The following WDR70 variants were observed in gnomAD, a reference collection of about 807,000 sequenced individuals.
The protein encoded by WDR70 is WD repeat-containing protein 70.
A neutral mutation model predicts 88.6 loss-of-function variants in WDR70; 53 were observed. The ratio of observed to expected loss-of-function variants is 0.60; its 90% CI spans 0.48 to 0.75. WDR70 has a LOEUF of 0.75. Ranked by LOEUF, WDR70 falls within the 30% of genes least tolerant of loss-of-function variation. The probability of loss-of-function intolerance (pLI) is 0.00; values close to 1 mark genes in which losing one functional copy is unlikely to be tolerated. For missense variants in WDR70, 610 were observed against 823.2 expected, an observed-to-expected ratio of 0.74 and a Z score of 3.17; for synonymous variants, 280 against 270.0, an observed-to-expected ratio of 1.04 and a Z score of -0.36.
At chr5:37,407,959 A>G (rs866307654) in intron 5 of WDR70, among the ~76,000 whole-genome samples, 22 of 152,184 alleles carry the variant, frequency 1.4e-4, no homozygotes, top group Admixed American at 7.2e-4. Context: ...GCTGCCAGTG[A>G]CAGAAAATGC....
At chr5:37,570,015 A>G (rs1742854868) in intron 9 of WDR70, among the ~76,000 whole-genome samples, 1 of 152,160 alleles carries the variant, frequency 6.6e-6, no homozygotes, top group Non-Finnish European at 1.5e-5. Context: ...CAGGTTATGC[A>G]AGATGCTATA....
chr5:37,633,343 T>C (rs1280916505), intron 10 of WDR70, among the ~76,000 whole-genome samples: 1 of 152,136 alleles, frequency 6.6e-6, no homozygotes, highest in Non-Finnish European at 1.5e-5. Context: ...CCCATGTACA[T>C]TGAAGGAAAT....
intron 5 of WDR70, among the ~76,000 whole-genome samples, chr5:37,403,747 G>T (rs1344073877): frequency 2.0e-5 from 3 of 151,818 alleles, no homozygotes; most frequent in South Asian, 2.1e-4. Context: ...TAAAGATGGG[G>T]TCTTGTTTCA....
chr5:37,610,066 A>G (rs1424594107), intron 10 of WDR70, among the ~76,000 whole-genome samples: 1 of 152,170 alleles, frequency 6.6e-6, no homozygotes, highest in Non-Finnish European at 1.5e-5. Flanking sequence ...CAAGGTGGGC[A>G]GATTACAAGG....
At chr5:37,644,988 C>G (rs1745195427) in intron 10 of WDR70, among the ~76,000 whole-genome samples, 4 of 151,674 alleles carry the variant, frequency 2.6e-5, no homozygotes, top group Admixed American at 2.6e-4. Context: ...TTTATTTCTG[C>G]TCTGATCTTT....
chr5:37,668,089 C>CA (rs1182492033), intron 10 of WDR70, among the ~76,000 whole-genome samples: 2 of 151,946 alleles, frequency 1.3e-5, no homozygotes, highest in Non-Finnish European at 2.9e-5. Context: ...CAAAACAAAA[C>CA]AAAAAACAAT....
chr5:37,631,549 T>C (rs924986128), intron 10 of WDR70, among the ~76,000 whole-genome samples: 4 of 152,208 alleles, frequency 2.6e-5, no homozygotes, highest in African/African-American at 4.8e-5. Context: ...TATAGTTATA[T>C]GAGGTTAGTG....
intron 10 of WDR70, among the ~76,000 whole-genome samples, chr5:37,686,670 T>G (rs1393774474): frequency 6.6e-6 from 1 of 152,074 alleles, no homozygotes; most frequent in Non-Finnish European, 1.5e-5. Context: ...AATTGACTGA[T>G]ATTCCTTATA....
intron 10 of WDR70, among the ~76,000 whole-genome samples, chr5:37,612,322 A>G (rs571643153): frequency 2.0e-5 from 3 of 152,146 alleles, no homozygotes; most frequent in South Asian, 4.1e-4. Flanking sequence ...TGTCTACTGC[A>G]TAGTCCTACA....
intron 7 of WDR70, among the ~76,000 whole-genome samples, chr5:37,479,300 A>T (rs1329058430): frequency 1.3e-5 from 2 of 151,346 alleles, no homozygotes; most frequent in Non-Finnish European, 2.9e-5. Context: ...GTTTTAATAG[A>T]TTGCAGTGGA....
intron 17 of WDR70, among the ~76,000 whole-genome samples, chr5:37,746,145 T>G (rs1266950798): frequency 1.3e-5 from 2 of 152,138 alleles, no homozygotes; most frequent in Admixed American, 1.3e-4. Flanking sequence ...CACAATTTCA[T>G]GGAAATTGAA....
intron 8 of WDR70, among the ~76,000 whole-genome samples, chr5:37,480,669 TG>T (rs1173401220): frequency 1.3e-5 from 2 of 152,192 alleles, no homozygotes; most frequent in Non-Finnish European, 2.9e-5. Context: ...ACATGGGAAT[TG>T]TTACAATTCA....
In WDR70 at chr5:37,560,809, ATTTTT is replaced by A. The variant is rs397885116; in HGVS notation, c.917+44234_918-44236del. Among the ~76,000 whole-genome samples the A allele has an allele frequency of 4.6e-5, 6 of 130,968 alleles. No homozygotes were observed. In the East Asian group the frequency reaches 8.8e-4, roughly 19 times the overall value. The allele number at this position is 130,968 out of a possible 152,430, so 85.9% of individuals were successfully genotyped here. On this transcript the variant is annotated intron_variant, in intron 9 of 17. Transcript: ENST00000265107. ...ACATGAACAGGGCTTGCAGAAGCAGATTTTTTTTTTTTTTTTTTTAAGAGACAGAG... is the reference window on the plus strand; with the variant it reads ...ACATGAACAGGGCTTGCAGAAGCAGATTTTTTTTTTTTTTAAGAGACAGAG...
chr5:37,477,415 C>T (rs751369697), intron 7 of WDR70, among the ~76,000 whole-genome samples: 5 of 152,064 alleles, frequency 3.3e-5, no homozygotes, highest in African/African-American at 9.7e-5. Flanking sequence ...TACTTATTAC[C>T]GTTTTTTCAT....
intron 13 of WDR70, among the ~76,000 whole-genome samples, chr5:37,717,874 G>C (rs965174516): frequency 1.3e-5 from 2 of 152,102 alleles, no homozygotes; most frequent in African/African-American, 4.8e-5. Flanking sequence ...AACAAAAAAG[G>C]CCCACCCACC....
chr5:37,610,319 T>G (rs992880653), intron 10 of WDR70, among the ~76,000 whole-genome samples: 2 of 152,134 alleles, frequency 1.3e-5, no homozygotes, highest in Non-Finnish European at 2.9e-5. Flanking sequence ...TGAAGCTTGT[T>G]TTTTTAATTT....
At chr5:37,531,608 G>A (rs993282160) in intron 9 of WDR70, among the ~76,000 whole-genome samples, 1 of 42,626 alleles carries the variant, frequency 2.3e-5, no homozygotes, top group African/African-American at 9.0e-5. Context: ...TTTTTTTTTT[G>A]TCTGATATAA....
chr5:37,719,762 A>G (rs560702377), intron 13 of WDR70, among the ~76,000 whole-genome samples: 1 of 148,428 alleles, frequency 6.7e-6, no homozygotes, highest in Non-Finnish European at 1.5e-5. Context: ...CCATTTACCT[A>G]TTTTTTTTTG....
intron 13 of WDR70, among the ~76,000 whole-genome samples, chr5:37,713,306 C>T (rs951637986): frequency 1.3e-5 from 2 of 152,104 alleles, no homozygotes; most frequent in South Asian, 4.1e-4. Flanking sequence ...TATCATTTAA[C>T]CCCATTACAA....
Sources: gnomAD v4.1 joint callset for allele counts (sites outside exome capture counted in the v4.1 genomes callset) on GRCh38, gnomAD v4.1.1 for gene constraint, MANE v1.5 for transcripts, NCBI Gene and HGNC (gene_info 2026-07-23, HGNC 2026-07-21) for gene names.